GRM7: variants seen among roughly 807,000 people sequenced by gnomAD.
The protein encoded by GRM7 is metabotropic glutamate receptor 7.
Under a neutral mutation model 84.5 loss-of-function variants are expected in GRM7, and 35 were observed. The observed-to-expected ratio is 0.41, with a 90% CI of 0.32 to 0.55. The LOEUF (loss-of-function observed/expected upper bound fraction) is 0.55, where lower values mean the gene tolerates loss of function less well. Ranked by LOEUF, GRM7 falls within the 20% of genes least tolerant of loss-of-function variation. The pLI, the probability that GRM7 is intolerant of heterozygous loss-of-function variation, is 0.19. For synonymous variants in GRM7, 487 were observed against 455.1 expected (o/e 1.07, Z -0.89); for missense variants, 1,003 against 1,194.6 (o/e 0.84, Z 2.36).
chr3:7,714,233 T>C (rs570377347), intron 9 of GRM7, among the ~76,000 whole-genome samples: 25 of 152,226 alleles, frequency 1.6e-4, no homozygotes, highest in African/African-American at 5.3e-4. Flanking sequence ...GCACAAGGCC[T>C]TTTCACACAT....
intron 2 of GRM7, among the ~76,000 whole-genome samples, chr3:7,201,993 T>G (rs1180366381): frequency 6.6e-6 from 1 of 152,156 alleles, no homozygotes; most frequent in Non-Finnish European, 1.5e-5. Flanking sequence ...TTAATTACAT[T>G]ACCAGCATTT....
chr3:7,458,371 A>T (rs1426555553), intron 6 of GRM7, among the ~76,000 whole-genome samples: 1 of 152,170 alleles, frequency 6.6e-6, no homozygotes, highest in Non-Finnish European at 1.5e-5. Context: ...GGACTTTTTT[A>T]AAATATAGAG....
rs139183375 is a variant in GRM7, at chr3:7,415,120, G to C, written c.1131G>C (p.Thr377=). The C allele has an allele frequency of 6.2e-7, 1 of 1,612,820 alleles. No individual in the cohort carries two copies. The highest frequency in any genetic ancestry group is 1.7e-5 in the Admixed American group (1 of 59,980). Reference sequence around the variant, plus strand: ...AGGAAAACTTCAACTGCAAGTTGACGATTAGTGGGTCAAAAAAAGAAGACA... The same window carrying C: ...AGGAAAACTTCAACTGCAAGTTGACCATTAGTGGGTCAAAAAAAGAAGACA... The part of the protein sequence containing the change: ...YWEENFNCKL[T]ISGSKKEDTD... The change falls in exon 5 of 10, where the codon ACG becomes ACC. Residue 377 remains threonine (T), a synonymous_variant. Transcript: ENST00000357716.
intron 7 of GRM7, among the ~76,000 whole-genome samples, chr3:7,496,993 A>G (rs1446463567): frequency 6.6e-6 from 1 of 151,884 alleles, no homozygotes; most frequent in Non-Finnish European, 1.5e-5. Context: ...ATACTAATAC[A>G]TCTATTCTCA....
chr3:6,944,293 T>A (rs900043323), intron 1 of GRM7, among the ~76,000 whole-genome samples: 3 of 152,136 alleles, frequency 2.0e-5, no homozygotes, highest in African/African-American at 7.2e-5. Context: ...CATTACTAAG[T>A]ATGTTGTTAA....
At chr3:7,417,574 C>T (rs922928105) in intron 5 of GRM7, among the ~76,000 whole-genome samples, 5 of 151,984 alleles carry the variant, frequency 3.3e-5, no homozygotes, top group African/African-American at 1.2e-4. Context: ...GAAAGGGCAC[C>T]CAGATGAGCA....
Position 7,019,997 on chromosome 3 carries a change from C to A in GRM7, c.520-126455C>A, listed in dbSNP as rs928019893. Among the ~76,000 whole-genome samples the A allele has an allele frequency of 3.9e-5, 6 of 152,166 alleles. No homozygotes were observed. The East Asian group carries it at 7.7e-4, about 20-fold the overall frequency. ...TAAAACCTGTTCATCAAGCTACAGG[C>A]ACATGCCACCACGCCCAGCTAATTT... On this transcript the variant is annotated intron_variant, in intron 1 of 9. Coordinates refer to ENST00000357716, the MANE Select transcript of GRM7 (RefSeq NM_000844.4).
intron 4 of GRM7, among the ~76,000 whole-genome samples, chr3:7,363,211 A>G (rs1018208724): frequency 4.6e-5 from 7 of 151,860 alleles, no homozygotes; most frequent in African/African-American, 1.7e-4. Context: ...GATAAAATGT[A>G]TCACTCAGAA....
At position 7,588,529 on chromosome 3, in the gene GRM7, T is replaced by G. The variant is rs147290830; in HGVS notation, c.2451+9172T>G. 7.2e-3 allele frequency among the ~76,000 whole-genome samples: 1,095 copies of G among 152,216 alleles called. 13 individuals carry two copies. The highest frequency in any genetic ancestry group is 0.025 in the African/African-American group (1,042 of 41,542). ...TTTCAAGGAGGGCCCCTGTGGAATA[T>G]CCCAACTCAACAAAAGCCACATTTT... is the stretch of plus-strand genomic sequence containing the variant. On this transcript the variant is annotated intron_variant, in intron 8 of 9. Coordinates refer to ENST00000357716, the MANE Select transcript of GRM7 (RefSeq NM_000844.4).
At chr3:7,347,151 A>T (rs1156294206) in intron 4 of GRM7, among the ~76,000 whole-genome samples, 1 of 152,162 alleles carries the variant, frequency 6.6e-6, no homozygotes, top group Non-Finnish European at 1.5e-5. Context: ...ATGTCATCGC[A>T]GTTCCAAAGA....
intron 8 of GRM7, among the ~76,000 whole-genome samples, chr3:7,599,153 T>C (rs1696190672): frequency 1.3e-5 from 2 of 152,198 alleles, no homozygotes; most frequent in Non-Finnish European, 2.9e-5. Flanking sequence ...TTTCATTTAA[T>C]GGGATATATG....
chr3:6,892,536 A>G (rs1482540783), intron 1 of GRM7: 1 of 152,124 alleles, frequency 6.6e-6, no homozygotes, highest in Non-Finnish European at 1.5e-5. Context: ...CCACCTACAT[A>G]TCCAGGAAGG....
chr3:7,575,200 C>T (rs923279689), intron 7 of GRM7, among the ~76,000 whole-genome samples: 2 of 152,168 alleles, frequency 1.3e-5, no homozygotes, highest in South Asian at 2.1e-4. Context: ...AGCCCTTCCC[C>T]AGGAGCTACC....
At chr3:7,229,757 A>ATTTTTT (rs1302605868) in intron 2 of GRM7, among the ~76,000 whole-genome samples, 8 of 26,874 alleles carry the variant, frequency 3.0e-4, no homozygotes, top group African/African-American at 1.1e-3. Context: ...ATATATATAT[A>ATTTTTT]TATTTTTTTT....
intron 4 of GRM7, among the ~76,000 whole-genome samples, chr3:7,349,701 A>G (rs1023739487): frequency 2.0e-5 from 3 of 152,162 alleles, no homozygotes; most frequent in African/African-American, 4.8e-5. Context: ...ATATAAAGCA[A>G]TCTTCCCTTT....
At chr3:7,439,341 G>A (rs766602109) in intron 5 of GRM7, among the ~76,000 whole-genome samples, 22 of 152,100 alleles carry the variant, frequency 1.4e-4, no homozygotes, top group African/African-American at 4.1e-4. Flanking sequence ...TTCTAAGGTC[G>A]GAGTCCTCTC....
intron 9 of GRM7, among the ~76,000 whole-genome samples, chr3:7,734,160 A>G (rs1175832900): frequency 6.9e-6 from 1 of 145,058 alleles, no homozygotes; most frequent in Non-Finnish European, 1.5e-5. Flanking sequence ...TTCTCCAAAT[A>G]TGGTAACAGG....
At chr3:7,040,914 A>G (rs1696580973) in intron 1 of GRM7, among the ~76,000 whole-genome samples, 3 of 151,702 alleles carry the variant, frequency 2.0e-5, no homozygotes, top group Admixed American at 2.0e-4. Context: ...GAAACCCAGT[A>G]TCTACAAAAA....
intron 2 of GRM7, among the ~76,000 whole-genome samples, chr3:7,293,669 C>T (rs1400246783): frequency 1.3e-5 from 2 of 152,166 alleles, no homozygotes; most frequent in African/African-American, 2.4e-5. Flanking sequence ...GCTGAATTAT[C>T]ACCATTACTG....
Sources: gnomAD v4.1 joint callset for allele counts (sites outside exome capture counted in the v4.1 genomes callset) on GRCh38, gnomAD v4.1.1 for gene constraint, MANE v1.5 for transcripts, NCBI Gene and HGNC (gene_info 2026-07-23, HGNC 2026-07-21) for gene names.